The following DNM3 variants were observed in gnomAD, a reference collection of about 807,000 sequenced individuals.
DNM3 encodes dynamin-3.
DNM3 carries 47 observed loss-of-function variants against 101.6 expected under a neutral mutation model. The ratio of observed to expected loss-of-function variants is 0.46; its 90% confidence interval spans 0.37 to 0.59. DNM3 has a LOEUF of 0.59. DNM3 is among the 20% of genes least tolerant of loss of function. DNM3 has a pLI of 0.00. For synonymous variants in DNM3, 385 were observed against 387.9 expected (o/e 0.99, Z 0.09); for missense variants, 849 against 1,085.7 (o/e 0.78, Z 3.06).
At chr1:172,268,652 T>A (rs572247416) in intron 15 of DNM3, among the ~76,000 whole-genome samples, 1 of 152,306 alleles carries the variant, frequency 6.6e-6, no homozygotes, top group African/African-American at 2.4e-5. Flanking sequence ...TTTGGTAATA[T>A]TTTTATGAAC....
chr1:172,095,855 CA>C (rs1216522552), intron 13 of DNM3, among the ~76,000 whole-genome samples: 2 of 152,126 alleles, frequency 1.3e-5, no homozygotes, highest in Non-Finnish European at 2.9e-5. Flanking sequence ...AGCAAATGTA[CA>C]AAAAAATGTG....
chr1:172,404,116 T>C (rs72723293), intron 20 of DNM3, among the ~76,000 whole-genome samples: 1 of 152,246 alleles, frequency 6.6e-6, no homozygotes, highest in Non-Finnish European at 1.5e-5. Context: ...CAAGGTTTAG[T>C]GAGGAGCTCT....
chr1:172,320,941 T>C (rs1005683153), intron 16 of DNM3, among the ~76,000 whole-genome samples: 1 of 152,078 alleles, frequency 6.6e-6, no homozygotes, highest in Non-Finnish European at 1.5e-5. Flanking sequence ...TTTAAAGAGG[T>C]TTTATTAGCT....
chr1:171,887,847 C>A (rs1258144834), intron 1 of DNM3, among the ~76,000 whole-genome samples: 2 of 151,852 alleles, frequency 1.3e-5, no homozygotes, highest in Non-Finnish European at 2.9e-5. Context: ...AAGGCATCAT[C>A]TAATATGTTT....
At chr1:172,128,170 C>T (rs188838636) in intron 13 of DNM3, among the ~76,000 whole-genome samples, 5 of 152,284 alleles carry the variant, frequency 3.3e-5, no homozygotes, top group African/African-American at 1.2e-4. Flanking sequence ...TCTTGAACCA[C>T]TGCTATTTTG....
At chr1:172,027,615 C>CAG (rs112496598) in intron 4 of DNM3, among the ~76,000 whole-genome samples, 4,502 of 139,138 alleles carry the variant, frequency 0.032, 134 homozygotes, top group African/African-American at 0.096. Context: ...CACACACACA[C>CAG]ACAGAGAGAG....
chr1:172,239,798 C>CTTTTTTTTTTTTTTTTTTTTTTTTT (rs369238528), intron 14 of DNM3, among the ~76,000 whole-genome samples: 1 of 106,866 alleles, frequency 9.4e-6, no homozygotes, highest in African/African-American at 3.6e-5. Context: ...CTTTTTTTTT[C>CTTTTTTTTTTTTTTTTTTTTTTTTT]TCTTTTTTTT....
rs1405649836 is a variant in DNM3, at chr1:171,944,866, T to C, written c.235+23045T>C. ...TTTTTTGGTGTTTCCTTTTTTTTTTTTTTTTTTTTTTTTTTGAGGCAGGGT... is the reference window on the plus strand; with the variant it reads ...TTTTTTGGTGTTTCCTTTTTTTTTTCTTTTTTTTTTTTTTTGAGGCAGGGT... On this transcript the variant is annotated intron_variant, in intron 2 of 20. Coordinates refer to ENST00000627582, the MANE Select transcript of DNM3 (RefSeq NM_015569.5). Among the ~76,000 whole-genome samples the C allele has an allele frequency of 5.8e-5, 7 of 120,590 alleles. 1 individual carries two copies. Among genetic ancestry groups the C allele is most frequent in the African/African-American group, 2.0e-4 (6 of 30,762 alleles). 79.1% of individuals were successfully genotyped at this position (120,590 alleles called of 152,430 possible).
chr1:172,209,150 G>C (rs2060424944), intron 14 of DNM3, among the ~76,000 whole-genome samples: 1 of 151,932 alleles, frequency 6.6e-6, no homozygotes, highest in South Asian at 2.1e-4. Context: ...AATCCAGTTT[G>C]ACTGATATCC....
intron 14 of DNM3, among the ~76,000 whole-genome samples, chr1:172,222,882 A>C (rs1000864741): frequency 6.6e-6 from 1 of 152,118 alleles, no homozygotes; most frequent in Admixed American, 6.6e-5. Context: ...CTAGAAAAAG[A>C]TGTATGTATG....
chr1:172,155,293 CAA>C (rs35898752), intron 14 of DNM3, among the ~76,000 whole-genome samples: 10,162 of 129,614 alleles, frequency 0.078, 824 homozygotes, highest in African/African-American at 0.2. Context: ...TTGTGCTTTG[CAA>C]AAAAAAAAAA....
chr1:172,135,580 C>T (rs186072966), intron 14 of DNM3, among the ~76,000 whole-genome samples: 101 of 151,894 alleles, frequency 6.6e-4, no homozygotes, highest in Non-Finnish European at 1.3e-3. Flanking sequence ...ATCATTTAAA[C>T]AGAAAATTAA....
chr1:172,369,262 A>G (rs1449980533), intron 17 of DNM3, among the ~76,000 whole-genome samples: 2 of 152,018 alleles, frequency 1.3e-5, no homozygotes, highest in African/African-American at 4.8e-5. Flanking sequence ...AGCATATCAA[A>G]AAGATTATAC....
intron 14 of DNM3, among the ~76,000 whole-genome samples, chr1:172,228,780 T>TAAGACTGCA (rs1249104991): frequency 1.3e-5 from 2 of 152,302 alleles, no homozygotes; most frequent in East Asian, 3.9e-4. Context: ...TGTATTCATA[T>TAAGACTGCA]AAGACTGCAC....
At chr1:171,981,331 CT>C (rs2044775036) in intron 2 of DNM3, among the ~76,000 whole-genome samples, 1 of 152,180 alleles carries the variant, frequency 6.6e-6, no homozygotes, top group African/African-American at 2.4e-5. Context: ...TTTGAGGAAC[CT>C]TGATTCTTAG....
chr1:172,366,934 A>G (rs2068049885), intron 17 of DNM3, among the ~76,000 whole-genome samples: 1 of 151,916 alleles, frequency 6.6e-6, no homozygotes, highest in South Asian at 2.1e-4. Context: ...TAGAAAACCT[A>G]TTTAATGAAA....
chr1:171,954,582 G>C (rs1262106101), intron 2 of DNM3, among the ~76,000 whole-genome samples: 2 of 152,182 alleles, frequency 1.3e-5, no homozygotes, highest in Non-Finnish European at 2.9e-5. Flanking sequence ...TTGCTGCTTA[G>C]TGCTCTCACA....
intron 14 of DNM3, 90 bp downstream of exon 14, chr1:172,131,378 CCAGTGG>C: frequency 9.3e-7 from 1 of 1,071,092 alleles, no homozygotes; most frequent in Non-Finnish European, 1.4e-6. Flanking sequence ...TTTTGAGACA[CCAGTGG>C]TTCTCTTTCA....
intron 14 of DNM3, chr1:172,133,252 C>A: frequency 9.2e-7 from 1 of 1,083,712 alleles, no homozygotes; most frequent in Non-Finnish European, 1.1e-6. Context: ...GCTTTGAAGG[C>A]TTGGTGAGCT....
Sources: gnomAD v4.1 joint callset for allele counts (sites outside exome capture counted in the v4.1 genomes callset) on GRCh38, gnomAD v4.1.1 for gene constraint, MANE v1.5 for transcripts, NCBI Gene and HGNC (gene_info 2026-07-23, HGNC 2026-07-21) for gene names.